The following UHRF1 variants were observed in gnomAD, a reference collection of about 807,000 sequenced individuals.
The protein encoded by UHRF1 is ubiquitin like with PHD and ring finger domains 1, also known as E3 ubiquitin-protein ligase UHRF1.
In UHRF1, 9 loss-of-function variants were observed where a neutral mutation model predicts 96.5. The ratio of observed to expected loss-of-function variants is 0.09; its 90% CI spans 0.06 to 0.16. UHRF1 has a LOEUF of 0.16. Ranked by LOEUF, UHRF1 falls within the 10% of genes least tolerant of loss-of-function variation. The pLI, the probability that UHRF1 is intolerant of heterozygous loss-of-function variation, is 1.00. For missense variants in UHRF1, 626 were observed against 1,131.1 expected (o/e 0.55, Z 6.40); for synonymous variants, 455 against 469.9 (o/e 0.97, Z 0.41).
intron 13 of UHRF1, among the ~76,000 whole-genome samples, chr19:4,951,841 A>G (rs2602692): frequency 0.42 from 63,275 of 151,564 alleles, 13,482 homozygotes; most frequent in East Asian, 0.67. Flanking sequence ...CTTACTCAAC[A>G]AGCGGCGCAG....
intron 2 of UHRF1, among the ~76,000 whole-genome samples, chr19:4,925,718 C>T (rs1338882511): frequency 2.0e-5 from 3 of 152,040 alleles, no homozygotes; most frequent in Non-Finnish European, 4.4e-5. Flanking sequence ...GACGGGGTTT[C>T]ACCATGTTGA....
chr19:4,916,560 C>T (rs1402103142), intron 2 of UHRF1, among the ~76,000 whole-genome samples: 1 of 152,128 alleles, frequency 6.6e-6, no homozygotes, highest in Non-Finnish European at 1.5e-5. Flanking sequence ...GGTGACCCGG[C>T]CGGGTCGAAG....
chr19:4,907,479 G>T (rs373461536), upstream of UHRF1, among the ~76,000 whole-genome samples: 6 of 152,034 alleles, frequency 3.9e-5, no homozygotes, highest in Admixed American at 1.3e-4. Flanking sequence ...ATGTTGACCA[G>T]GCTAGTCTGG....
chr19:4,946,898 C>T (rs1054782463), intron 10 of UHRF1, among the ~76,000 whole-genome samples: 8 of 151,902 alleles, frequency 5.3e-5, no homozygotes, highest in African/African-American at 1.5e-4. Flanking sequence ...TTCTTGAGGA[C>T]GCACCACACT....
chr19:4,921,050 G>A (rs1322655345), intron 2 of UHRF1, among the ~76,000 whole-genome samples: 1 of 152,018 alleles, frequency 6.6e-6, no homozygotes, highest in African/African-American at 2.4e-5. Flanking sequence ...CTTGAACCCA[G>A]GAGGCGGAGG....
intron 5 of UHRF1, among the ~76,000 whole-genome samples, chr19:4,933,631 C>A (rs1322525210): frequency 6.6e-6 from 1 of 152,194 alleles, no homozygotes; most frequent in Non-Finnish European, 1.5e-5. Context: ...TCTGCCTGGT[C>A]ACCCAGTTCC....
rs754819208 is a variant in UHRF1 at position 4,950,942 on chromosome 19, C to T, written c.1764C>T (p.Gly588=). 6.2e-7 allele frequency: 1 copy of T among 1,612,618 alleles called. No individual in the cohort carries two copies. The highest frequency in any genetic ancestry group is 8.5e-7 in the Non-Finnish European group (1 of 1,179,814). The change falls in exon 13 of 17, where the codon GGC becomes GGT. Residue 588 remains glycine (G), a synonymous_variant. Coordinates refer to ENST00000650932, the MANE Select transcript of UHRF1 (RefSeq NM_001048201.3). ...YLLRRDDDEP[G]PWTKEGKDRI... ...TGCGGAGGGACGATGATGAGCCTGGCCCTTGGACGAAGGAGGGGAAGGACC... is the reference window on the plus strand; with the variant it reads ...TGCGGAGGGACGATGATGAGCCTGGTCCTTGGACGAAGGAGGGGAAGGACC...
In UHRF1 at chr19:4,961,755, G is replaced by A. The variant is rs569461684; in HGVS notation, c.*952G>A. 13 of 151,956 alleles carry A rather than the reference G, an allele frequency of 8.6e-5. No individual in the cohort carries two copies. In the East Asian group the frequency reaches 2.3e-3, roughly 27 times the overall value. The allele number at this position is 151,956 out of a possible 1,614,324, so 9.4% of individuals were successfully genotyped here. ...ATTCAATTTTTTTAACTCAGCAAGT[G>A]AGAACTTACAAGAGGGTTTTTTTAA... On this transcript the variant is annotated 3_prime_UTR_variant, in exon 17 of 17. Transcript: ENST00000650932.
chr19:4,925,334 C>T (rs1044068507), intron 2 of UHRF1, among the ~76,000 whole-genome samples: 1 of 152,132 alleles, frequency 6.6e-6, no homozygotes, highest in African/African-American at 2.4e-5. Flanking sequence ...CCTCAAATCC[C>T]CTTCCTGCCT....
At chr19:4,906,619 G>T (rs1345590213), upstream of UHRF1, among the ~76,000 whole-genome samples, 1 of 152,108 alleles carries the variant, frequency 6.6e-6, no homozygotes, top group African/African-American at 2.4e-5. Flanking sequence ...CGGACATGGT[G>T]GTGCGGACCT....
chr19:4,923,393 C>T (rs2032765189), intron 2 of UHRF1, among the ~76,000 whole-genome samples: 1 of 152,162 alleles, frequency 6.6e-6, no homozygotes, highest in South Asian at 2.1e-4. Flanking sequence ...GGCTGCACCT[C>T]CGACCTGTCC....
chr19:4,952,754 C>T (rs2033752559), intron 13 of UHRF1, among the ~76,000 whole-genome samples: 1 of 151,744 alleles, frequency 6.6e-6, no homozygotes, highest in Non-Finnish European at 1.5e-5. Context: ...CAAAGATTTC[C>T]TGAGACACTG....
At chr19:4,951,730 C>G (rs562963279) in intron 13 of UHRF1, among the ~76,000 whole-genome samples, 14 of 148,720 alleles carry the variant, frequency 9.4e-5, no homozygotes, top group African/African-American at 2.5e-4. Flanking sequence ...AACAAACCAA[C>G]CAAATTGGTG....
chr19:4,941,637 T>G lies in UHRF1; in HGVS notation c.886+9T>G, dbSNP rs1416412720. ...TGACAACCCCATGAGACGTGAGTTC[T>G]GAGCCAGCCTTTCCCCATCTTCCGC... On this transcript the variant is annotated intron_variant, in intron 6 of 16. Transcript: ENST00000650932. 2 of 1,611,280 alleles carry G rather than the reference T, an allele frequency of 1.2e-6. No homozygotes were observed. The highest frequency in any genetic ancestry group is 2.7e-5 in the African/African-American group (2 of 74,896).
At chr19:4,950,084 T>C (rs988478511) in intron 11 of UHRF1, among the ~76,000 whole-genome samples, 18 of 151,026 alleles carry the variant, frequency 1.2e-4, no homozygotes, top group East Asian at 2.0e-4. Flanking sequence ...TTGGCCAGGC[T>C]GGTCTTGAAC....
rs2033105179 is a variant in UHRF1 at position 4,933,000 on chromosome 19, TC to T, written c.785+48del. 9 of 1,539,372 alleles carry T rather than the reference TC, an allele frequency of 5.8e-6. No homozygotes were observed. The South Asian group carries it at 8.4e-5, about 14-fold the overall frequency. ...GGCGAGCCCTTCCTCTCTCCTTTCCTCCCCTCCCGGGGCCCCCGGACTGGCT... is the reference window on the plus strand; with the variant it reads ...GGCGAGCCCTTCCTCTCTCCTTTCCTCCCTCCCGGGGCCCCCGGACTGGCT... On this transcript the variant is annotated intron_variant, in intron 5 of 16. Coordinates refer to ENST00000650932, the MANE Select transcript of UHRF1 (RefSeq NM_001048201.3).
At chr19:4,905,541 G>C (rs1356760508), upstream of UHRF1, among the ~76,000 whole-genome samples, 1 of 150,086 alleles carries the variant, frequency 6.7e-6, no homozygotes, top group African/African-American at 2.5e-5. Context: ...TTTTGAGATG[G>C]AGTTTTGCTC....
intron 2 of UHRF1, among the ~76,000 whole-genome samples, chr19:4,928,555 G>C (rs540565469): frequency 6.6e-6 from 1 of 152,188 alleles, no homozygotes; most frequent in Non-Finnish European, 1.5e-5. Flanking sequence ...CACAAAGGGC[G>C]GGTGGAGCTG....
intron 5 of UHRF1, among the ~76,000 whole-genome samples, chr19:4,939,904 G>A (rs1324432043): frequency 1.3e-5 from 2 of 151,874 alleles, no homozygotes; most frequent in African/African-American, 4.8e-5. Context: ...GGTGCCTATA[G>A]TGCCAGCTAC....
Sources: gnomAD v4.1 joint callset for allele counts (sites outside exome capture counted in the v4.1 genomes callset) on GRCh38, gnomAD v4.1.1 for gene constraint, MANE v1.5 for transcripts, NCBI Gene and HGNC (gene_info 2026-07-23, HGNC 2026-07-21) for gene names.